The following DCHS2 variants were observed in gnomAD, a reference collection of about 807,000 sequenced individuals.
DCHS2 encodes the protein protocadherin-23.
DCHS2 carries 142 observed loss-of-function variants against 182.4 expected under a neutral mutation model. That is an observed-to-expected ratio of 0.78 (90% confidence interval 0.68 to 0.89). The LOEUF is 0.89. Ranked by LOEUF, DCHS2 falls within the 40% of genes least tolerant of loss-of-function variation. DCHS2 has a pLI of 0.00. For synonymous variants in DCHS2, 1,740 were observed against 1,663.3 expected (o/e 1.05, Z -1.12); for missense variants, 4,319 against 4,198.6 (o/e 1.03, Z -0.79).
intron 17 of DCHS2, 137 bp downstream of exon 17, chr4:154,242,505 A>C: frequency 7.7e-7 from 1 of 1,295,284 alleles, no homozygotes; most frequent in South Asian, 2.1e-5. Flanking sequence ...TTGTTCTGCA[A>C]AATGAAGACA....
At chr4:154,337,890 A>G (rs1728890628) in intron 3 of DCHS2, among the ~76,000 whole-genome samples, 1 of 152,004 alleles carries the variant, frequency 6.6e-6, no homozygotes, top group South Asian at 2.1e-4. Flanking sequence ...ACAGGCACGT[A>G]TCACCATGCC....
intron 1 of DCHS2, among the ~76,000 whole-genome samples, chr4:154,437,359 A>T (rs1363925058): frequency 7.2e-5 from 11 of 152,162 alleles, no homozygotes; most frequent in Admixed American, 7.2e-4. Context: ...TGAAAAAAGG[A>T]TGGGAAACAT....
At chr4:154,447,469 C>T (rs1364282816) in intron 1 of DCHS2, among the ~76,000 whole-genome samples, 1 of 152,000 alleles carries the variant, frequency 6.6e-6, no homozygotes, top group Non-Finnish European at 1.5e-5. Context: ...CAACTATATG[C>T]ACATCTACAA....
At chr4:154,278,073 A>C (rs1346528641) in intron 13 of DCHS2, among the ~76,000 whole-genome samples, 2 of 151,944 alleles carry the variant, frequency 1.3e-5, no homozygotes, top group African/African-American at 2.4e-5. Flanking sequence ...AAATAATTAC[A>C]CAGAAACTCA....
intron 13 of DCHS2, among the ~76,000 whole-genome samples, chr4:154,284,018 C>G (rs901748307): frequency 6.6e-6 from 1 of 152,086 alleles, no homozygotes; most frequent in African/African-American, 2.4e-5. Context: ...TTGAGATAAC[C>G]CAGAACATTT....
rs1407910835 is a variant in DCHS2, at chr4:154,240,595, A to G, written c.7301T>C (p.Val2434Ala). ...ATCATTGACATCCAGCACACGGACT[A>G]CAAGTGCTCCCTCTGTGTAGTGCAC... Reference protein sequence around the residue: ...DSVHYTEGALVVRVLDVNDNP... With the variant: ...DSVHYTEGALAVRVLDVNDNP... Residue 2434 changes from valine to alanine, a missense_variant, in exon 18 of 20, where the codon GTA (valine) becomes GCA (alanine). Transcript: ENST00000357232. 1.2e-6 allele frequency: 2 copies of G among 1,613,924 alleles called. No homozygotes were observed. Among genetic ancestry groups the G allele is most frequent in the South Asian group, 2.2e-5 (2 of 91,088 alleles).
intron 3 of DCHS2, 69 bp from the exon 4 acceptor site, chr4:154,335,173 C>T (rs896724113): frequency 9.0e-6 from 9 of 998,070 alleles, no homozygotes; most frequent in Admixed American, 5.1e-5. Context: ...AATAGTAACA[C>T]CTGGTCTATT....
chr4:154,485,103 CTT>C (rs201276679), intron 1 of DCHS2, among the ~76,000 whole-genome samples: 108 of 73,930 alleles, frequency 1.5e-3, no homozygotes, highest in Middle Eastern at 6.2e-3. Flanking sequence ...GTGTTATGAG[CTT>C]TTTTTTTTAA....
chr4:154,406,121 A>G (rs9997960), intron 1 of DCHS2, among the ~76,000 whole-genome samples: 1,693 of 152,244 alleles, frequency 0.011, 24 homozygotes, highest in African/African-American at 0.036. Flanking sequence ...TCTCTTCCCA[A>G]CTGCATCTGT....
chr4:154,464,695 G>A (rs1041712118), intron 1 of DCHS2, among the ~76,000 whole-genome samples: 3 of 152,150 alleles, frequency 2.0e-5, no homozygotes, highest in Non-Finnish European at 2.9e-5. Context: ...GAACTTACAT[G>A]GGTTCCAGCA....
chr4:154,251,707 C>T (rs1455814180), intron 16 of DCHS2, among the ~76,000 whole-genome samples: 2 of 151,992 alleles, frequency 1.3e-5, no homozygotes, highest in African/African-American at 2.4e-5. Flanking sequence ...TTAGTTGAGA[C>T]GGGGTTTTGC....
chr4:154,321,672 C>A (rs1736067784), intron 8 of DCHS2, among the ~76,000 whole-genome samples: 1 of 152,160 alleles, frequency 6.6e-6, no homozygotes, highest in Non-Finnish European at 1.5e-5. Context: ...ACAGATTTTT[C>A]TCTTAACCCA....
At chr4:154,389,535 T>TATATATATATATATATATATATATATATA (rs1243968167) in intron 1 of DCHS2, among the ~76,000 whole-genome samples, 1 of 146,016 alleles carries the variant, frequency 6.8e-6, no homozygotes, top group Non-Finnish European at 1.5e-5. Context: ...TATATATATA[T>TATATATATATATATATATATATATATATA]AACCTTTTTT....
intron 3 of DCHS2, among the ~76,000 whole-genome samples, chr4:154,364,049 A>G (rs923256556): frequency 5.9e-5 from 9 of 152,216 alleles, no homozygotes; most frequent in Non-Finnish European, 1.3e-4. Context: ...AATGTCTTCA[A>G]TCTAAATACA....
intron 9 of DCHS2, 123 bp downstream of exon 9, chr4:154,320,256 C>T (rs146946446): frequency 5.0e-5 from 71 of 1,426,946 alleles, no homozygotes; most frequent in Admixed American, 3.7e-4. Context: ...CGCTGTGCAA[C>T]ATTGAACTCA....
intron 1 of DCHS2, among the ~76,000 whole-genome samples, chr4:154,410,470 C>CAAAA (rs61280673): frequency 1.8e-4 from 13 of 70,350 alleles, no homozygotes; most frequent in Non-Finnish European, 2.3e-4. Context: ...ACCCAGAGGG[C>CAAAA]AAAAAAAAAA....
At chr4:154,332,427 TA>T (rs1736574806) in intron 5 of DCHS2, 50 bp downstream of exon 5, 1 of 1,434,370 alleles carries the variant, frequency 7.0e-7, no homozygotes, top group Non-Finnish European at 9.5e-7. Flanking sequence ...ACGAGTGTGA[TA>T]GTACTGAACC....
intron 12 of DCHS2, among the ~76,000 whole-genome samples, chr4:154,299,569 T>A (rs1320412919): frequency 3.3e-5 from 5 of 152,174 alleles, no homozygotes; most frequent in Non-Finnish European, 7.4e-5. Flanking sequence ...CCAAGTGGAA[T>A]GGCATTCAAA....
At chr4:154,353,991 A>T (rs1729741980) in intron 3 of DCHS2, among the ~76,000 whole-genome samples, 2 of 152,194 alleles carry the variant, frequency 1.3e-5, no homozygotes, top group Admixed American at 6.5e-5. Flanking sequence ...CAGTGGTGTG[A>T]TCTCAGCTCA....
Sources: gnomAD v4.1 joint callset for allele counts (sites outside exome capture counted in the v4.1 genomes callset) on GRCh38, gnomAD v4.1.1 for gene constraint, MANE v1.5 for transcripts, NCBI Gene and HGNC (gene_info 2026-07-23, HGNC 2026-07-21) for gene names.